The following VDAC1 variants were observed in gnomAD, a reference collection of about 807,000 sequenced individuals.
The protein encoded by VDAC1 is non-selective voltage-gated ion channel VDAC1.
Under a neutral mutation model 34.7 loss-of-function variants are expected in VDAC1, and 10 were observed. The ratio of observed to expected loss-of-function variants is 0.29; its 90% confidence interval spans 0.18 to 0.49. The LOEUF (loss-of-function observed/expected upper bound fraction) is 0.49. Ranked by LOEUF, VDAC1 falls within the 20% of genes least tolerant of loss-of-function variation. The pLI, the probability that VDAC1 is intolerant of heterozygous loss-of-function variation, is 0.99. For synonymous variants in VDAC1, 130 were observed against 136.0 expected (o/e 0.96, Z 0.30); for missense variants, 230 against 347.9 (o/e 0.66, Z 2.69).
upstream of VDAC1, among the ~76,000 whole-genome samples, chr5:134,009,247 C>CTTTTTT (rs869155174): frequency 5.7e-5 from 5 of 87,070 alleles, no homozygotes; most frequent in Non-Finnish European, 7.1e-5. Flanking sequence ...TTTATCAATT[C>CTTTTTT]TTTTTTTTTT....
At chr5:134,029,058 T>C in the VDAC1 span, among the ~76,000 whole-genome samples, 1 of 152,176 alleles carries the variant, frequency 6.6e-6, no homozygotes, top group East Asian at 1.9e-4. Flanking sequence ...CTGGTTTGTC[T>C]AGGACAGTTC....
intron 7 of VDAC1, among the ~76,000 whole-genome samples, chr5:133,974,762 G>A (rs1471448969): frequency 1.3e-5 from 2 of 152,142 alleles, no homozygotes; most frequent in Non-Finnish European, 2.9e-5. Context: ...AGACCAGCCT[G>A]ACCAACATGG....
upstream of VDAC1, among the ~76,000 whole-genome samples, chr5:134,008,230 C>T (rs1016813089): frequency 6.6e-6 from 1 of 152,110 alleles, no homozygotes; most frequent in Non-Finnish European, 1.5e-5. Context: ...TAAAGACTCC[C>T]TGAAAATGAA....
the VDAC1 span, among the ~76,000 whole-genome samples, chr5:134,062,780 C>T: frequency 1.3e-5 from 2 of 151,598 alleles, no homozygotes; most frequent in East Asian, 1.9e-4. Context: ...GCGCCCACCA[C>T]CATGCTCAGC....
At chr5:133,981,158 C>G (rs1752682443) in intron 5 of VDAC1, 1 of 579,138 alleles carries the variant, frequency 1.7e-6, no homozygotes, top group African/African-American at 1.9e-5. Flanking sequence ...CTGCAGAAAC[C>G]CCACAATAAC....
At chr5:134,065,545 T>C in the VDAC1 span, among the ~76,000 whole-genome samples, 1 of 151,822 alleles carries the variant, frequency 6.6e-6, no homozygotes, top group Non-Finnish European at 1.5e-5. Context: ...TTTGCAATAT[T>C]GGCCAGGCTG....
chr5:134,021,460 A>G, the VDAC1 span, among the ~76,000 whole-genome samples: 8 of 150,798 alleles, frequency 5.3e-5, no homozygotes, highest in African/African-American at 2.0e-4. Context: ...TCCTCGTGAT[A>G]GTTTGCTGAG....
At chr5:133,997,707 C>CAAAAA (rs67591375) in intron 1 of VDAC1, among the ~76,000 whole-genome samples, 67 of 58,164 alleles carry the variant, frequency 1.2e-3, no homozygotes, top group East Asian at 1.4e-3. Flanking sequence ...GACTGTCTCA[C>CAAAAA]AAAAAAAAAA....
the VDAC1 span, among the ~76,000 whole-genome samples, chr5:134,053,002 C>T: frequency 6.6e-6 from 1 of 152,182 alleles, no homozygotes; most frequent in East Asian, 1.9e-4. Context: ...GTAATCCCAG[C>T]TACCCGGGAG....
At chr5:133,993,053 A>C (rs769466272) in intron 1 of VDAC1, 35 bp from the exon 2 acceptor site, 138 of 1,567,898 alleles carry the variant, frequency 8.8e-5, no homozygotes, top group Non-Finnish European at 1.2e-4. Context: ...AAATGCATTG[A>C]TAATTAGGGA....
the VDAC1 span, among the ~76,000 whole-genome samples, chr5:134,035,961 G>A: frequency 1.4e-5 from 2 of 141,634 alleles, no homozygotes; most frequent in Admixed American, 1.5e-4. Context: ...AGCCGAGATC[G>A]CACCACTGCA....
At chr5:134,061,162 G>C in the VDAC1 span, among the ~76,000 whole-genome samples, 2 of 123,446 alleles carry the variant, frequency 1.6e-5, 1 homozygote, top group Non-Finnish European at 3.4e-5. Context: ...ACCACATCTA[G>C]CCTCCTTTTT....
At chr5:134,075,452 A>G in the VDAC1 span, among the ~76,000 whole-genome samples, 1 of 152,232 alleles carries the variant, frequency 6.6e-6, no homozygotes, top group Non-Finnish European at 1.5e-5. Flanking sequence ...CACACTATTT[A>G]CACTGCTATT....
chr5:134,036,575 G>A, the VDAC1 span, among the ~76,000 whole-genome samples: 6 of 151,804 alleles, frequency 4.0e-5, no homozygotes, highest in Non-Finnish European at 8.8e-5. Context: ...GGGATCCCTT[G>A]AGCCCAGGAG....
chr5:133,993,050 T>C (rs757470592), intron 1 of VDAC1, 32 bp from the exon 2 acceptor site: 14 of 1,576,444 alleles, frequency 8.9e-6, no homozygotes, highest in East Asian at 4.5e-5. Flanking sequence ...AATAAATGCA[T>C]TGATAATTAG....
chr5:134,107,255 C>G, the VDAC1 span, among the ~76,000 whole-genome samples: 2 of 152,352 alleles, frequency 1.3e-5, no homozygotes, highest in African/African-American at 4.8e-5. Context: ...GGAGGGCAGA[C>G]AGCCCCTCCG....
intron 5 of VDAC1, among the ~76,000 whole-genome samples, chr5:133,984,983 T>C (rs1449915492): frequency 7.2e-5 from 11 of 152,160 alleles, no homozygotes; most frequent in Non-Finnish European, 1.5e-4. Flanking sequence ...TTATCTAACC[T>C]CCCTTTGGTC....
At chr5:134,071,527 T>G in the VDAC1 span, among the ~76,000 whole-genome samples, 1 of 152,204 alleles carries the variant, frequency 6.6e-6, no homozygotes, top group Non-Finnish European at 1.5e-5. The surrounding 1 kb of genome is among the most constrained non-coding windows in gnomAD (Gnocchi z 4.1). Flanking sequence ...CCGGCACTTT[T>G]GGCTGCGTGT....
intron 6 of VDAC1, among the ~76,000 whole-genome samples, chr5:133,978,191 G>A (rs180830506): frequency 1.3e-5 from 2 of 151,952 alleles, no homozygotes; most frequent in African/African-American, 2.4e-5. Context: ...CCCCAAGATG[G>A]GATCTTGCTC....
Sources: allele counts gnomAD v4.1 joint callset (sites outside exome capture counted in the v4.1 genomes callset), GRCh38; gene constraint gnomAD v4.1.1; non-coding constraint Gnocchi (gnomAD v3.1); transcripts MANE v1.5; gene names NCBI Gene and HGNC (gene_info 2026-07-23, HGNC 2026-07-21).